The following DOK6 variants were observed in gnomAD, a reference collection of about 807,000 sequenced individuals.
DOK6 encodes the protein docking protein 6, also known as downstream of tyrosine kinase 6.
DOK6 carries 22 observed loss-of-function variants against 44.0 expected under a neutral mutation model. The observed-to-expected ratio is 0.50, with a 90% CI of 0.36 to 0.71. DOK6 has a LOEUF of 0.71. Ranked by LOEUF, DOK6 falls within the 30% of genes least tolerant of loss-of-function variation. DOK6 has a pLI of 0.00. For synonymous variants in DOK6, 166 were observed against 145.5 expected (o/e 1.14, Z -1.01); for missense variants, 340 against 416.4 (o/e 0.82, Z 1.60).
chr18:69,816,734 T>C (rs1981409456), intron 7 of DOK6, among the ~76,000 whole-genome samples: 1 of 152,346 alleles, frequency 6.6e-6, no homozygotes, highest in South Asian at 2.1e-4. Context: ...GGGAACCCTG[T>C]ACTCTATCTT....
chr18:69,481,742 A>G (rs889603253), intron 1 of DOK6, among the ~76,000 whole-genome samples: 1 of 152,158 alleles, frequency 6.6e-6, no homozygotes, highest in Non-Finnish European at 1.5e-5. Context: ...ATACCCAGTA[A>G]TGGGATGGCT....
chr18:69,488,556 A>G (rs906706742), intron 1 of DOK6, among the ~76,000 whole-genome samples: 2 of 152,204 alleles, frequency 1.3e-5, no homozygotes, highest in Middle Eastern at 3.2e-3. Flanking sequence ...ACAGTTCCAC[A>G]TGGCTGAGGA....
intron 3 of DOK6, among the ~76,000 whole-genome samples, chr18:69,627,309 T>G (rs1332471443): frequency 1.3e-5 from 2 of 152,080 alleles, no homozygotes; most frequent in Non-Finnish European, 2.9e-5. Flanking sequence ...GACATTTCAG[T>G]TGGTTGTTTG....
chr18:69,430,363 CT>C (rs1427901408), intron 1 of DOK6, among the ~76,000 whole-genome samples: 1 of 152,134 alleles, frequency 6.6e-6, no homozygotes, highest in Admixed American at 6.5e-5. Flanking sequence ...TTTCTTTTTA[CT>C]TTCGCTTTTT....
At chr18:69,805,900 A>G (rs937239673) in intron 7 of DOK6, among the ~76,000 whole-genome samples, 6 of 152,018 alleles carry the variant, frequency 3.9e-5, no homozygotes, top group African/African-American at 1.4e-4. Context: ...CTTTATTATG[A>G]CAGTAAAGTC....
rs551233674 is a variant in DOK6, at chr18:69,675,283, G to A, written c.290-2451G>A. Reference sequence around the variant, plus strand: ...GGGACAAAAGACTTAACACAAAGAAGGAGTGAATTATATATTTCTTAAATG... The same window carrying A: ...GGGACAAAAGACTTAACACAAAGAAAGAGTGAATTATATATTTCTTAAATG... On this transcript the variant is annotated intron_variant, in intron 3 of 7. Transcript: ENST00000382713. 2.8e-4 allele frequency among the ~76,000 whole-genome samples: 42 copies of A among 152,274 alleles called. No individual in the cohort carries two copies. The South Asian group carries it at 7.9e-3, about 29-fold the overall frequency.
intron 1 of DOK6, among the ~76,000 whole-genome samples, chr18:69,552,155 A>C (rs180969155): frequency 2.5e-4 from 38 of 152,322 alleles, no homozygotes; most frequent in African/African-American, 9.1e-4. Context: ...TACACTTTAG[A>C]AGCTCATTGT....
At chr18:69,683,963 C>T (rs2144690653) in intron 4 of DOK6, among the ~76,000 whole-genome samples, 1 of 152,220 alleles carries the variant, frequency 6.6e-6, no homozygotes, top group African/African-American at 2.4e-5. Context: ...CCACGAAACA[C>T]ATATTTACAA....
At chr18:69,822,987 G>T (rs988667644) in intron 7 of DOK6, among the ~76,000 whole-genome samples, 49 of 151,972 alleles carry the variant, frequency 3.2e-4, no homozygotes, top group African/African-American at 1.2e-3. Flanking sequence ...CCCATGTCAG[G>T]ACCAGGCTAA....
intron 6 of DOK6, among the ~76,000 whole-genome samples, chr18:69,748,949 T>C (rs1006863104): frequency 6.6e-6 from 1 of 152,220 alleles, no homozygotes; most frequent in African/African-American, 2.4e-5. Context: ...ATGTGGTATA[T>C]ACATACCATG....
intron 1 of DOK6, among the ~76,000 whole-genome samples, chr18:69,435,520 C>A (rs1009458767): frequency 6.6e-6 from 1 of 152,006 alleles, no homozygotes; most frequent in Non-Finnish European, 1.5e-5. Flanking sequence ...CCTTTTCATT[C>A]GATTGTCGAC....
At chr18:69,501,951 C>A (rs1981061051) in intron 1 of DOK6, among the ~76,000 whole-genome samples, 2 of 152,024 alleles carry the variant, frequency 1.3e-5, no homozygotes, top group South Asian at 4.1e-4. Context: ...AAACAGGAAA[C>A]CCAGAACAAT....
In DOK6 at chr18:69,844,617, A is replaced by G. The variant is rs1411849976; in HGVS notation, c.*3234A>G. ...AACACATCTTTCACTTACTTATTGA[A>G]CAAACAATAAGCACTCAGAACTAAT... On this transcript the variant is annotated 3_prime_UTR_variant, in exon 8 of 8. Coordinates refer to ENST00000382713, the MANE Select transcript of DOK6 (RefSeq NM_152721.6). The G allele has an allele frequency of 1.3e-5, 2 of 152,138 alleles. No individual in the cohort carries two copies. Among genetic ancestry groups the G allele is most frequent in the Admixed American group, 6.6e-5 (1 of 15,256 alleles). The allele number at this position is 152,138 out of a possible 1,614,324, so 9.4% of individuals were successfully genotyped here.
chr18:69,621,804 C>T (rs982643703), intron 3 of DOK6, among the ~76,000 whole-genome samples: 1 of 152,068 alleles, frequency 6.6e-6, no homozygotes, highest in Non-Finnish European at 1.5e-5. Flanking sequence ...TAGTTAATTC[C>T]TCAATAATAA....
chr18:69,626,316 A>G (rs1280159538), intron 3 of DOK6, among the ~76,000 whole-genome samples: 1 of 152,210 alleles, frequency 6.6e-6, no homozygotes, highest in Non-Finnish European at 1.5e-5. Flanking sequence ...GAATATTCCC[A>G]CATTCCCCTG....
chr18:69,628,995 G>C (rs553018184), intron 3 of DOK6, among the ~76,000 whole-genome samples: 1 of 152,374 alleles, frequency 6.6e-6, no homozygotes, highest in Non-Finnish European at 1.5e-5. Flanking sequence ...GTTACAGAGA[G>C]CACCTAGCTC....
At chr18:69,644,993 G>A (rs565330457) in intron 3 of DOK6, among the ~76,000 whole-genome samples, 113 of 152,280 alleles carry the variant, frequency 7.4e-4, no homozygotes, top group Middle Eastern at 3.4e-3. Context: ...CAGATTCATA[G>A]GGAAATTTCA....
intron 3 of DOK6, among the ~76,000 whole-genome samples, chr18:69,621,799 A>G: frequency 6.6e-6 from 1 of 152,230 alleles, no homozygotes; most frequent in South Asian, 2.1e-4. Flanking sequence ...GAACATAGTT[A>G]ATTCCTCAAT....
intron 2 of DOK6, among the ~76,000 whole-genome samples, chr18:69,565,171 G>C (rs185079887): frequency 2.0e-5 from 3 of 152,182 alleles, no homozygotes; most frequent in Non-Finnish European, 4.4e-5. Flanking sequence ...AACACAGCTA[G>C]GTATTTTATA....
Sources: gnomAD v4.1 joint callset for allele counts (sites outside exome capture counted in the v4.1 genomes callset) on GRCh38, gnomAD v4.1.1 for gene constraint, MANE v1.5 for transcripts, NCBI Gene and HGNC (gene_info 2026-07-23, HGNC 2026-07-21) for gene names.